Variants in ENTHD1 observed in about 807,000 individuals in gnomAD.
ENTHD1 encodes ENTH domain-containing protein 1.
Under a neutral mutation model 39.1 loss-of-function variants are expected in ENTHD1, and 23 were observed. The ratio of observed to expected loss-of-function variants is 0.59; its 90% confidence interval spans 0.42 to 0.83. The LOEUF is 0.83. Ranked by LOEUF, ENTHD1 falls within the 40% of genes least tolerant of loss-of-function variation. The probability of loss-of-function intolerance (pLI) is 0.00; values close to 1 mark genes in which losing one functional copy is unlikely to be tolerated. For missense variants in ENTHD1, 624 were observed against 705.4 expected (o/e 0.88, Z 1.31); for synonymous variants, 230 against 258.2 (o/e 0.89, Z 1.05).
intron 3 of ENTHD1, among the ~76,000 whole-genome samples, chr22:39,837,053 C>A (rs914971088): frequency 1.3e-5 from 2 of 152,124 alleles, no homozygotes; most frequent in African/African-American, 4.8e-5. Context: ...CTGTTTATAT[C>A]TTTTTGCTAA....
intron 3 of ENTHD1, among the ~76,000 whole-genome samples, chr22:39,836,466 T>C (rs1368430657): frequency 6.6e-6 from 1 of 152,104 alleles, no homozygotes; most frequent in Non-Finnish European, 1.5e-5. Flanking sequence ...CAAATAAAAT[T>C]TTAGCAAAGC....
chr22:39,828,340 TA>T (rs538829987), intron 4 of ENTHD1, among the ~76,000 whole-genome samples: 1 of 151,552 alleles, frequency 6.6e-6, no homozygotes, highest in Non-Finnish European at 1.5e-5. Context: ...AGCATGAAAA[TA>T]AAAAAAACCT....
intron 3 of ENTHD1, among the ~76,000 whole-genome samples, chr22:39,856,038 G>C (rs1273521751): frequency 2.0e-5 from 3 of 152,148 alleles, no homozygotes; most frequent in Non-Finnish European, 4.4e-5. Flanking sequence ...ACTTTGGGAG[G>C]CTGAGGCGGG....
intron 5 of ENTHD1, among the ~76,000 whole-genome samples, chr22:39,814,007 C>A (rs1555930499): frequency 6.6e-6 from 1 of 151,480 alleles, no homozygotes; most frequent in African/African-American, 2.4e-5. Flanking sequence ...ATATACAGAA[C>A]CTATATGAAA....
At chr22:39,791,972 G>C (rs947690147) in intron 5 of ENTHD1, among the ~76,000 whole-genome samples, 2 of 151,910 alleles carry the variant, frequency 1.3e-5, no homozygotes, top group African/African-American at 2.4e-5. Context: ...CCACTTATAA[G>C]TGAGAATATG....
chr22:39,880,104 T>G (rs992817322), intron 2 of ENTHD1, among the ~76,000 whole-genome samples: 2 of 152,222 alleles, frequency 1.3e-5, no homozygotes, highest in African/African-American at 2.4e-5. Flanking sequence ...GGTGTGCACC[T>G]ACAGTCCCAG....
intron 3 of ENTHD1, among the ~76,000 whole-genome samples, chr22:39,838,179 A>T (rs1286160593): frequency 6.6e-6 from 1 of 152,206 alleles, no homozygotes; most frequent in Non-Finnish European, 1.5e-5. Flanking sequence ...GTTAAATTAA[A>T]GTATAACAGG....
chr22:39,773,469 A>T (rs1256480443), intron 5 of ENTHD1, among the ~76,000 whole-genome samples: 1 of 152,228 alleles, frequency 6.6e-6, no homozygotes, highest in African/African-American at 2.4e-5. Context: ...TGTAGAAATA[A>T]CAATGTACTT....
chr22:39,881,723 A>C lies in ENTHD1; in HGVS notation c.349+5677T>G, dbSNP rs567627906. On this transcript the variant is annotated intron_variant, in intron 2 of 6. Transcript: ENST00000325157. Reference sequence around the variant, plus strand: ...GAAGCGCTATGGGGAAAAACGAAACAGAAGGTGGCCAGGGCATATCAGTAC... The same window carrying C: ...GAAGCGCTATGGGGAAAAACGAAACCGAAGGTGGCCAGGGCATATCAGTAC... Among the ~76,000 whole-genome samples, 4 of 152,320 alleles carry C rather than the reference A, an allele frequency of 2.6e-5. No homozygotes were observed. The South Asian group carries it at 8.3e-4, about 32-fold the overall frequency.
intron 1 of ENTHD1, among the ~76,000 whole-genome samples, chr22:39,889,119 G>C (rs768982558): frequency 2.6e-5 from 4 of 152,160 alleles, no homozygotes; most frequent in Admixed American, 6.5e-5. Flanking sequence ...GATAAGCCTG[G>C]TAAATTAGAG....
chr22:39,808,385 G>A (rs1201400973), intron 5 of ENTHD1, among the ~76,000 whole-genome samples: 1 of 152,162 alleles, frequency 6.6e-6, no homozygotes, highest in East Asian at 1.9e-4. Flanking sequence ...GTTCACCATT[G>A]ACTACCTAGC....
chr22:39,780,852 A>T (rs1420212746), intron 5 of ENTHD1, among the ~76,000 whole-genome samples: 1 of 152,160 alleles, frequency 6.6e-6, no homozygotes, highest in Non-Finnish European at 1.5e-5. Flanking sequence ...CAAAAAAATT[A>T]GCCAGGCATG....
Position 39,835,970 on chromosome 22 carries a change from A to G in ENTHD1, c.593-12T>C, listed in dbSNP as rs1319288526. ...CTTGCACACATTTCCTGTCAACAAT[A>G]TAAAGCTTAAGATTTTACTTTGGCA... On this transcript the variant is annotated splice_polypyrimidine_tract_variant and intron_variant, in intron 3 of 6. Coordinates refer to ENST00000325157, the MANE Select transcript of ENTHD1 (RefSeq NM_152512.4). 3 of 1,581,136 alleles carry G rather than the reference A, an allele frequency of 1.9e-6. No homozygotes were observed. The highest frequency in any genetic ancestry group is 2.6e-6 in the Non-Finnish European group (3 of 1,160,984).
intron 2 of ENTHD1, among the ~76,000 whole-genome samples, chr22:39,879,190 C>T (rs189965790): frequency 3.9e-5 from 6 of 152,120 alleles, no homozygotes; most frequent in South Asian, 2.1e-4. Context: ...AGGCCGGGCA[C>T]GGTGGCTCAC....
intron 5 of ENTHD1, among the ~76,000 whole-genome samples, chr22:39,780,572 A>G (rs2065401141): frequency 6.7e-6 from 1 of 150,070 alleles, no homozygotes; most frequent in Admixed American, 6.6e-5. Context: ...GGGAGTAGTT[A>G]TACTTATATC....
chr22:39,751,278 T>A (rs1056278181), intron 6 of ENTHD1: 8 of 154,278 alleles, frequency 5.2e-5, no homozygotes, highest in African/African-American at 1.9e-4. Flanking sequence ...TTGACCAAGG[T>A]ATCAGCAACA....
chr22:39,791,313 A>G (rs2065502070), intron 5 of ENTHD1, among the ~76,000 whole-genome samples: 1 of 148,240 alleles, frequency 6.7e-6, no homozygotes, highest in Non-Finnish European at 1.5e-5. Flanking sequence ...ATAATTTTAT[A>G]TATAAAGATA....
At chr22:39,810,034 T>G (rs565527493) in intron 5 of ENTHD1, among the ~76,000 whole-genome samples, 210 of 152,298 alleles carry the variant, frequency 1.4e-3, no homozygotes, top group Non-Finnish European at 2.0e-3. Context: ...ACTGTCATTA[T>G]AGGGGATTCA....
intron 5 of ENTHD1, among the ~76,000 whole-genome samples, chr22:39,801,430 G>C (rs1223934270): frequency 1.3e-5 from 2 of 152,230 alleles, no homozygotes; most frequent in Non-Finnish European, 2.9e-5. Flanking sequence ...CACTTCTAGA[G>C]TGGCTGTGTT....
Sources: allele counts gnomAD v4.1 joint callset (sites outside exome capture counted in the v4.1 genomes callset), GRCh38; gene constraint gnomAD v4.1.1; transcripts MANE v1.5; gene names NCBI Gene and HGNC (gene_info 2026-07-23, HGNC 2026-07-21).